CDH18: variants seen among roughly 807,000 people sequenced by gnomAD.
CDH18 encodes the protein cadherin 18.
A neutral mutation model predicts 67.9 loss-of-function variants in CDH18; 31 were observed. That is an observed-to-expected ratio of 0.46 (90% CI 0.34 to 0.62). The LOEUF is 0.62. CDH18 is among the 20% of genes least tolerant of loss of function. CDH18 has a pLI of 0.01. For synonymous variants in CDH18, 362 were observed against 347.2 expected, an observed-to-expected ratio of 1.04 and a Z score of -0.48; for missense variants, 890 against 975.5, an observed-to-expected ratio of 0.91 and a Z score of 1.17.
At chr5:20,547,648 A>T (rs1172624402) in intron 1 of CDH18, among the ~76,000 whole-genome samples, 2 of 152,114 alleles carry the variant, frequency 1.3e-5, no homozygotes, top group African/African-American at 2.4e-5. Flanking sequence ...TCTTAGGCTA[A>T]TATTAGGACA....
chr5:20,206,966 T>C (rs965365739), intron 2 of CDH18, among the ~76,000 whole-genome samples: 1 of 151,990 alleles, frequency 6.6e-6, no homozygotes, highest in African/African-American at 2.4e-5. Flanking sequence ...CTACTTTTAT[T>C]CAATGTAATA....
chr5:20,127,595 A>T (rs1279318275), intron 2 of CDH18, among the ~76,000 whole-genome samples: 2 of 152,164 alleles, frequency 1.3e-5, no homozygotes, highest in Non-Finnish European at 2.9e-5. Flanking sequence ...AGCCAGTCAC[A>T]GAAGGGCAAA....
chr5:20,189,534 A>G (rs1002751384), intron 2 of CDH18, among the ~76,000 whole-genome samples: 3 of 152,120 alleles, frequency 2.0e-5, no homozygotes, highest in Non-Finnish European at 2.9e-5. Flanking sequence ...AAACACACAC[A>G]CTTATTTAAT....
At chr5:19,812,856 A>G (rs1452684283) in intron 3 of CDH18, among the ~76,000 whole-genome samples, 2 of 152,168 alleles carry the variant, frequency 1.3e-5, no homozygotes, top group Admixed American at 6.5e-5. Context: ...TTATTGCAGC[A>G]CTATTCACAA....
chr5:19,495,401 A>G (rs1034386965), intron 11 of CDH18, among the ~76,000 whole-genome samples: 1 of 152,114 alleles, frequency 6.6e-6, no homozygotes, highest in African/African-American at 2.4e-5. Flanking sequence ...GCAGTTTTTG[A>G]TCGACAAATT....
At chr5:19,986,999 G>C (rs954903903) in intron 1 of CDH18, among the ~76,000 whole-genome samples, 2 of 152,086 alleles carry the variant, frequency 1.3e-5, no homozygotes, top group Non-Finnish European at 2.9e-5. Context: ...ATCTTCCTCT[G>C]ATCTGTCTCT....
chr5:19,599,783 T>C (rs1746771926), intron 6 of CDH18, among the ~76,000 whole-genome samples: 2 of 151,978 alleles, frequency 1.3e-5, no homozygotes, highest in South Asian at 2.1e-4. Flanking sequence ...AAGATGCCTG[T>C]AGCTGAGGCA....
At chr5:20,070,403 T>C (rs2150524123) in intron 2 of CDH18, among the ~76,000 whole-genome samples, 1 of 152,278 alleles carries the variant, frequency 6.6e-6, no homozygotes, top group Middle Eastern at 3.4e-3. Flanking sequence ...AGGGTAATGT[T>C]TGTGTTATTA....
At chr5:20,314,414 T>C (rs993226700) in intron 1 of CDH18, among the ~76,000 whole-genome samples, 1 of 152,090 alleles carries the variant, frequency 6.6e-6, no homozygotes, top group East Asian at 1.9e-4. Context: ...ATTTGAGCCA[T>C]CCACTCATTT....
intron 2 of CDH18, among the ~76,000 whole-genome samples, chr5:20,245,874 A>G (rs901312328): frequency 6.6e-6 from 1 of 152,130 alleles, no homozygotes; most frequent in African/African-American, 2.4e-5. Flanking sequence ...ATATATACCT[A>G]ATGTAGCAAG....
intron 2 of CDH18, among the ~76,000 whole-genome samples, chr5:19,999,898 A>C (rs1357623009): frequency 6.6e-6 from 1 of 152,178 alleles, no homozygotes; most frequent in African/African-American, 2.4e-5. Flanking sequence ...AGCTCCACTT[A>C]TCTTGTTTTA....
At chr5:20,323,458 T>C (rs950817443) in intron 1 of CDH18, among the ~76,000 whole-genome samples, 1 of 152,238 alleles carries the variant, frequency 6.6e-6, no homozygotes, top group African/African-American at 2.4e-5. Flanking sequence ...TTTAAGAGAA[T>C]GTACTTGGCA....
intron 1 of CDH18, among the ~76,000 whole-genome samples, chr5:20,478,242 T>G (rs1034548579): frequency 6.6e-5 from 10 of 151,894 alleles, no homozygotes; most frequent in African/African-American, 2.4e-4. Context: ...AGGGAGACAT[T>G]GAGATGCAGC....
At chr5:19,963,411 G>C (rs961027649) in intron 2 of CDH18, among the ~76,000 whole-genome samples, 5 of 152,032 alleles carry the variant, frequency 3.3e-5, no homozygotes, top group African/African-American at 1.2e-4. Context: ...ATCTTGAATT[G>C]CAGTAATCGA....
chr5:20,044,603 T>C (rs1004129834), intron 2 of CDH18, among the ~76,000 whole-genome samples: 2 of 152,136 alleles, frequency 1.3e-5, no homozygotes, highest in Non-Finnish European at 2.9e-5. Context: ...TGCACCATAC[T>C]CTGATGAAGA....
chr5:20,376,910 A>G (rs2150093739), intron 1 of CDH18, among the ~76,000 whole-genome samples: 1 of 151,940 alleles, frequency 6.6e-6, no homozygotes, highest in Non-Finnish European at 1.5e-5. Context: ...CCAGCTACTC[A>G]GGGGGCTGAG....
At chr5:19,821,214 C>A (rs1443544809) in intron 3 of CDH18, among the ~76,000 whole-genome samples, 1 of 151,988 alleles carries the variant, frequency 6.6e-6, no homozygotes, top group Non-Finnish European at 1.5e-5. Flanking sequence ...GTACAATGAT[C>A]CTAGAGTGCA....
At chr5:19,894,400 C>T (rs1789084861) in intron 2 of CDH18, among the ~76,000 whole-genome samples, 1 of 151,674 alleles carries the variant, frequency 6.6e-6, no homozygotes, top group Non-Finnish European at 1.5e-5. Context: ...CTAATACATA[C>T]TTAATATGAG....
At chr5:19,581,848 C>T (rs1052456857) in intron 7 of CDH18, among the ~76,000 whole-genome samples, 2 of 152,010 alleles carry the variant, frequency 1.3e-5, no homozygotes, top group South Asian at 2.1e-4. Context: ...ATTTAAGCAG[C>T]GTTTCTCCAG....
Sources: gnomAD v4.1 joint callset for allele counts (sites outside exome capture counted in the v4.1 genomes callset) on GRCh38, gnomAD v4.1.1 for gene constraint, MANE v1.5 for transcripts, NCBI Gene and HGNC (gene_info 2026-07-23, HGNC 2026-07-21) for gene names.